The following FAM20C variants were observed in gnomAD, a reference collection of about 807,000 sequenced individuals.
FAM20C encodes the protein extracellular serine/threonine protein kinase FAM20C.
In FAM20C, 40 loss-of-function variants were observed where a neutral mutation model predicts 51.5. That is an observed-to-expected ratio of 0.78 (90% CI 0.60 to 1.01). FAM20C has a LOEUF of 1.01. FAM20C is among the 50% of genes least tolerant of loss of function. FAM20C has a pLI of 0.00. For missense variants in FAM20C, 861 were observed against 844.7 expected (o/e 1.02, Z -0.24); for synonymous variants, 406 against 380.6 (o/e 1.07, Z -0.78).
chr7:193,634 G>A lies in FAM20C; in HGVS notation c.435G>A (p.Pro145=), dbSNP rs1785699823. Reference sequence around the variant, plus strand: ...GGCCGCTGCTGCGAGACCCCGGCCCGCGTCGGTCCGAGTCGCCCCCCGGCC... The same window carrying A: ...GGCCGCTGCTGCGAGACCCCGGCCCACGTCGGTCCGAGTCGCCCCCCGGCC... ...AHRPLLRDPG[P]RRSESPPGPG... The change falls in exon 1 of 10, where the codon CCG becomes CCA. Residue 145 remains proline, a synonymous_variant. Transcript: ENST00000313766. The A allele has an allele frequency of 1.3e-6, 2 of 1,538,200 alleles. No individual in the cohort carries two copies. Among genetic ancestry groups the A allele is most frequent in the Non-Finnish European group, 1.8e-6 (2 of 1,142,630 alleles).
At chr7:217,635 T>C (rs28465072) in intron 3 of FAM20C, among the ~76,000 whole-genome samples, 113,534 of 152,122 alleles carry the variant, frequency 0.75, 42,664 homozygotes, top group African/African-American at 0.83. Flanking sequence ...TCTGAGGCCT[T>C]TCTCGCACCC....
intron 2 of FAM20C, among the ~76,000 whole-genome samples, chr7:208,429 C>T (rs148643144): frequency 1.5e-4 from 21 of 143,400 alleles, no homozygotes; most frequent in Non-Finnish European, 1.4e-4. Context: ...TGGGTGTATA[C>T]GTGTGTGTCC....
intron 3 of FAM20C, among the ~76,000 whole-genome samples, chr7:213,941 G>A (rs564335221): frequency 3.9e-5 from 6 of 152,254 alleles, no homozygotes; most frequent in East Asian, 1.9e-4. Context: ...ATGTGGGCAC[G>A]GGCCATTGAC....
At chr7:207,069 C>T (rs1221379159) in intron 2 of FAM20C, among the ~76,000 whole-genome samples, 1 of 41,944 alleles carries the variant, frequency 2.4e-5, no homozygotes, top group Admixed American at 2.0e-4. Flanking sequence ...GCCCTGCACA[C>T]GTATCCACTG....
chr7:229,086 C>T (rs2115113494), intron 3 of FAM20C: 2 of 346,314 alleles, frequency 5.8e-6, no homozygotes, highest in South Asian at 4.4e-5. Flanking sequence ...ACTCTAGGAC[C>T]AGAAGCAGGG....
chr7:212,069 G>T (rs1277137353), intron 3 of FAM20C, among the ~76,000 whole-genome samples: 1 of 152,218 alleles, frequency 6.6e-6, no homozygotes, highest in Non-Finnish European at 1.5e-5. Context: ...CCAGGGCCTG[G>T]GGGATGATCG....
At chr7:243,783 G>C (rs907869161) in intron 3 of FAM20C, among the ~76,000 whole-genome samples, 1 of 151,880 alleles carries the variant, frequency 6.6e-6, no homozygotes. Flanking sequence ...CCTGGGCGCC[G>C]CCTCTGCAGT....
At chr7:202,852 G>A (rs1443249146) in intron 2 of FAM20C, among the ~76,000 whole-genome samples, 3 of 152,256 alleles carry the variant, frequency 2.0e-5, no homozygotes, top group South Asian at 2.1e-4. Context: ...TAGCGAGGAC[G>A]GGTGGCCATT....
intron 3 of FAM20C, among the ~76,000 whole-genome samples, chr7:241,967 G>C (rs2115134730): frequency 6.6e-6 from 1 of 152,282 alleles, no homozygotes; most frequent in South Asian, 2.1e-4. Context: ...TGTAGTGGGT[G>C]GTTAGAACTA....
intron 8 of FAM20C, chr7:257,405 C>T (rs1188061320): frequency 2.0e-5 from 6 of 305,294 alleles, no homozygotes; most frequent in Admixed American, 9.2e-5. Flanking sequence ...AGATGGGCCT[C>T]TGCCTGCACG....
intron 2 of FAM20C, among the ~76,000 whole-genome samples, chr7:206,153 C>T (rs1347235132): frequency 2.6e-5 from 4 of 152,198 alleles, no homozygotes; most frequent in Admixed American, 1.3e-4. Flanking sequence ...CCTCTCTGGC[C>T]GTCCCCCTGC....
At chr7:209,057 C>A in intron 3 of FAM20C, 81 bp downstream of exon 3, 1 of 1,382,686 alleles carries the variant, frequency 7.2e-7, no homozygotes, top group Non-Finnish European at 1.0e-6. Flanking sequence ...CTGGGGATGG[C>A]CGTGTCTCCT....
Position 208,917 on chromosome 7 carries a change from G to A in FAM20C, c.804G>A (p.Thr268=), listed in dbSNP as rs373718419. ...ITSVAMKSGG[T]QLKLIMTFQN... ...CTGCAGCCATGAAGTCGGGGGGCAC[G>A]CAGCTGAAGCTCATCATGACCTTCC... Residue 268 remains threonine, a synonymous_variant, in exon 3 of 10, where the codon ACG becomes ACA. Coordinates refer to ENST00000313766, the MANE Select transcript of FAM20C (RefSeq NM_020223.4). 1.8e-5 allele frequency: 28 copies of A among 1,579,660 alleles called. No individual in the cohort carries two copies. Among genetic ancestry groups the A allele is most frequent in the Middle Eastern group, 1.7e-4 (1 of 6,052 alleles).
intron 5 of FAM20C, among the ~76,000 whole-genome samples, chr7:254,017 ATCGT>A (rs1352960041): frequency 6.6e-6 from 1 of 151,786 alleles, no homozygotes; most frequent in Non-Finnish European, 1.5e-5. Flanking sequence ...TCTTTCCTTG[ATCGT>A]TCGTTCTTAC....
chr7:211,448 C>T (rs1583294335), intron 3 of FAM20C, among the ~76,000 whole-genome samples: 1 of 151,774 alleles, frequency 6.6e-6, no homozygotes, highest in South Asian at 2.1e-4. Context: ...CCTCCCCAGC[C>T]CCCCACCGTG....
intron 3 of FAM20C, among the ~76,000 whole-genome samples, chr7:218,638 A>G (rs1787112432): frequency 6.6e-6 from 1 of 152,118 alleles, no homozygotes; most frequent in Non-Finnish European, 1.5e-5. Flanking sequence ...CGTGTCCACC[A>G]CGTGGCCCAG....
intron 2 of FAM20C, among the ~76,000 whole-genome samples, chr7:208,619 T>TTG: frequency 6.6e-6 from 1 of 150,834 alleles, no homozygotes. Flanking sequence ...TACGTGTGTG[T>TTG]CCAGGTAAGC....
At chr7:204,659 G>C (rs772626169) in intron 2 of FAM20C, among the ~76,000 whole-genome samples, 1 of 152,244 alleles carries the variant, frequency 6.6e-6, no homozygotes, top group African/African-American at 2.4e-5. Context: ...CACTCGCGTG[G>C]CCTTTGCCGT....
intron 7 of FAM20C, 44 bp downstream of exon 7, chr7:256,807 C>T (rs1410993564): frequency 6.6e-6 from 10 of 1,510,860 alleles, no homozygotes; most frequent in South Asian, 1.2e-5. Flanking sequence ...ACTCGCCTTG[C>T]GTGGAGCGGA....
Sources: gnomAD v4.1 joint callset for allele counts (sites outside exome capture counted in the v4.1 genomes callset) on GRCh38, gnomAD v4.1.1 for gene constraint, MANE v1.5 for transcripts, NCBI Gene and HGNC (gene_info 2026-07-23, HGNC 2026-07-21) for gene names.